Variants in JADE1 observed in about 807,000 individuals in gnomAD.
JADE1 encodes the protein protein Jade-1.
A neutral mutation model predicts 81.8 loss-of-function variants in JADE1; 14 were observed. The ratio of observed to expected loss-of-function variants is 0.17; its 90% CI spans 0.11 to 0.27. The LOEUF is 0.27. JADE1 is among the 10% of genes least tolerant of loss of function. The pLI is 1.00. For missense variants in JADE1, 690 were observed against 1,047.9 expected (o/e 0.66, Z 4.71); for synonymous variants, 353 against 391.9 (o/e 0.90, Z 1.17).
chr4:128,823,688 G>A lies in JADE1; in HGVS notation c.-26-8045G>A, dbSNP rs12640940. Among the ~76,000 whole-genome samples, 60 of 152,190 alleles carry A rather than the reference G, an allele frequency of 3.9e-4. 1 individual carries two copies. In the East Asian group the frequency reaches 9.6e-3, roughly 24 times the overall value. The stretch of plus-strand genomic sequence containing the variant: ...ATTTAGACAAGATTAAAACATTAAC[G>A]CTTAAGAGTTAAGCTATTTGTCAGT... On this transcript the variant is annotated intron_variant, in intron 1 of 10. Coordinates refer to ENST00000226319, the MANE Select transcript of JADE1 (RefSeq NM_199320.4).
In JADE1 at chr4:128,841,196, T is replaced by C. The variant is rs929063573; in HGVS notation, c.53-1757T>C. Among the ~76,000 whole-genome samples the C allele has an allele frequency of 2.0e-5, 3 of 152,222 alleles. No individual in the cohort carries two copies. In the East Asian group the frequency reaches 5.8e-4, roughly 29 times the overall value. ...TTTTGGCTTTTATTTTTCTGGATTT[T>C]GTTAATTTCTGGAAAATGGTACAGT... is the stretch of plus-strand genomic sequence containing the variant. On this transcript the variant is annotated intron_variant, in intron 2 of 10. Coordinates refer to ENST00000226319, the MANE Select transcript of JADE1 (RefSeq NM_199320.4).
chr4:128,833,146 G>T (rs896810053), intron 2 of JADE1, among the ~76,000 whole-genome samples: 2 of 152,286 alleles, frequency 1.3e-5, no homozygotes, highest in Non-Finnish European at 2.9e-5. Flanking sequence ...TTAAAGGTCT[G>T]TTTCCAAGTG....
intron 8 of JADE1, among the ~76,000 whole-genome samples, chr4:128,861,095 A>G (rs1415565231): frequency 4.6e-5 from 7 of 152,290 alleles, no homozygotes; most frequent in Admixed American, 4.6e-4. Context: ...TTTATGTTCA[A>G]ACTGTGAGTA....
chr4:128,858,273 G>A (rs936243597), intron 8 of JADE1, among the ~76,000 whole-genome samples: 1 of 152,104 alleles, frequency 6.6e-6, no homozygotes, highest in African/African-American at 2.4e-5. Flanking sequence ...TGAGAAGTTC[G>A]TTTTTAGGCC....
chr4:128,861,673 T>C (rs886352646), intron 8 of JADE1, 31 bp from the exon 9 acceptor site: 4 of 1,606,226 alleles, frequency 2.5e-6, no homozygotes, highest in African/African-American at 1.3e-5. Context: ...TATAATGGTC[T>C]ATTCTCATGT....
At chr4:128,868,035 T>C in intron 10 of JADE1, 62 bp downstream of exon 10, 1 of 765,282 alleles carries the variant, frequency 1.3e-6, no homozygotes, top group Non-Finnish European at 2.2e-6. Flanking sequence ...TTAACACTGT[T>C]GAGGAAGAAA....
chr4:128,815,869 A>C (rs1365577935), intron 1 of JADE1, among the ~76,000 whole-genome samples: 1 of 152,212 alleles, frequency 6.6e-6, no homozygotes, highest in Non-Finnish European at 1.5e-5. Context: ...AATATGACAT[A>C]TTAGCGAACA....
chr4:128,867,717 T>C, intron 9 of JADE1, 139 bp from the exon 10 acceptor site: 1 of 510,856 alleles, frequency 2.0e-6, no homozygotes, highest in African/African-American at 1.9e-5. Context: ...TTGGATAAAA[T>C]GTTTAAAGTA....
chr4:128,839,630 T>C (rs2125842813), intron 2 of JADE1, among the ~76,000 whole-genome samples: 1 of 152,326 alleles, frequency 6.6e-6, no homozygotes, highest in African/African-American at 2.4e-5. Context: ...TAGAGTTGTA[T>C]GTAAATGGAA....
chr4:128,847,598 C>G (rs1316051248), intron 4 of JADE1, among the ~76,000 whole-genome samples: 1 of 152,194 alleles, frequency 6.6e-6, no homozygotes, highest in Non-Finnish European at 1.5e-5. Flanking sequence ...TCACCTGATT[C>G]AGCACTGGCA....
chr4:128,857,420 G>T lies in JADE1; in HGVS notation c.947G>T (p.Ser316Ile). Residue 316 changes from serine to isoleucine, a missense_variant, in exon 8 of 11, where the codon AGC becomes ATC. Ser to Ile is a moderately radical substitution (Grantham distance 142). Around this residue, in one of 8 missense-constraint regions of JADE1, gnomAD observed 84 missense variants for 226.6 expected, o/e 0.37. Transcript: ENST00000226319. ...AGCAGCCGGTGGGCGCTAGTGTGCA[G>T]CCTCTGCAATGAGAAGTTTGGGGCC... Reference protein sequence around the residue: ...IPSSRWALVCSLCNEKFGASI... With the variant: ...IPSSRWALVCILCNEKFGASI... 6 of 1,613,952 alleles carry T rather than the reference G, an allele frequency of 3.7e-6. No homozygotes were observed. The highest frequency in any genetic ancestry group is 4.2e-6 in the Non-Finnish European group (5 of 1,179,962).
intron 2 of JADE1, among the ~76,000 whole-genome samples, chr4:128,838,560 G>A (rs768719909): frequency 6.6e-6 from 1 of 152,102 alleles, no homozygotes; most frequent in South Asian, 2.1e-4. Flanking sequence ...ATCTTACCAC[G>A]CGGTTTTTAA....
chr4:128,851,679 T>G (rs752391832), intron 5 of JADE1, among the ~76,000 whole-genome samples: 2 of 152,102 alleles, frequency 1.3e-5, no homozygotes, highest in Admixed American at 6.5e-5. Context: ...GATTGATTGA[T>G]AGATTGAGAC....
At chr4:128,855,828 C>CTTT in intron 7 of JADE1, 31 bp downstream of exon 7, 4 of 1,511,542 alleles carry the variant, frequency 2.6e-6, no homozygotes, top group Non-Finnish European at 3.6e-6. Flanking sequence ...GTTGTTTTTA[C>CTTT]TTTTTTTTAA....
chr4:128,852,557 A>C (rs371393510), intron 6 of JADE1, among the ~76,000 whole-genome samples: 7 of 151,998 alleles, frequency 4.6e-5, no homozygotes, highest in East Asian at 1.9e-4. Context: ...AGAATGTATG[A>C]GCCCCCTCTG....
intron 9 of JADE1, chr4:128,863,316 T>A (rs749890749): frequency 3.0e-5 from 30 of 985,428 alleles, no homozygotes; most frequent in Non-Finnish European, 3.3e-5. Context: ...GGCTGCTGGC[T>A]ACCGATTAAA....
At chr4:128,811,079 G>A (rs1359684534) in intron 1 of JADE1, among the ~76,000 whole-genome samples, 1 of 152,202 alleles carries the variant, frequency 6.6e-6, no homozygotes, top group Non-Finnish European at 1.5e-5. Flanking sequence ...TTGCGAGTTG[G>A]GGGCTGTTGT....
At chr4:128,810,459 T>TG in intron 1 of JADE1, 1 of 150,358 alleles carries the variant, frequency 6.7e-6, no homozygotes, top group African/African-American at 2.4e-5. Context: ...GGTTTTTTTT[T>TG]TTTTTTTTTT....
At chr4:128,840,740 C>G (rs1384347430) in intron 2 of JADE1, among the ~76,000 whole-genome samples, 1 of 152,226 alleles carries the variant, frequency 6.6e-6, no homozygotes, top group Admixed American at 6.5e-5. Context: ...CCAGTGTGCC[C>G]AGAATATTTC....
Sources: allele counts gnomAD v4.1 joint callset (sites outside exome capture counted in the v4.1 genomes callset), GRCh38; gene constraint gnomAD v4.1.1; regional missense constraint gnomAD v4.1.1; transcripts MANE v1.5; gene names NCBI Gene and HGNC (gene_info 2026-07-23, HGNC 2026-07-21).